CDH12: variants seen among roughly 807,000 people sequenced by gnomAD.
CDH12 encodes the protein cadherin-12.
Under a neutral mutation model 74.1 loss-of-function variants are expected in CDH12, and 41 were observed. The observed-to-expected ratio is 0.55, with a 90% CI of 0.43 to 0.72. CDH12 has a LOEUF of 0.72. Among genes scored for constraint, CDH12 ranks in the 30% least tolerant of loss-of-function variants. CDH12 has a pLI of 0.00. For missense variants in CDH12, 945 were observed against 977.2 expected (o/e 0.97, Z 0.44); for synonymous variants, 399 against 355.0 (o/e 1.12, Z -1.39).
chr5:22,375,956 T>G (rs1038817989), intron 3 of CDH12, among the ~76,000 whole-genome samples: 4 of 152,196 alleles, frequency 2.6e-5, no homozygotes, highest in Admixed American at 1.3e-4. Context: ...ATCCTACTAC[T>G]AGGTTTTTAT....
At chr5:21,833,050 A>T (rs1480954785) in intron 8 of CDH12, among the ~76,000 whole-genome samples, 1 of 85,436 alleles carries the variant, frequency 1.2e-5, no homozygotes, top group African/African-American at 4.5e-5. Context: ...TATAATATAT[A>T]TTATATGTTA....
Position 22,078,514 on chromosome 5 carries a change from C to G in CDH12, c.163G>C (p.Gly55Arg). 3 of 1,613,934 alleles carry G rather than the reference C, an allele frequency of 1.9e-6. No individual in the cohort carries two copies. The highest frequency in any genetic ancestry group is 2.5e-6 in the Non-Finnish European group (3 of 1,179,852). ...QRSHFQRVKRGWVWNQFFVLE... is the reference protein window; with the variant it reads ...QRSHFQRVKRRWVWNQFFVLE... ...ACAAAAAATTGATTCCATACCCAGC[C>G]ACGTTTAACACGTTGGAAATGTGAC... Residue 55 changes from glycine to arginine, a missense_variant, in exon 5 of 15, where the codon GGC (glycine) becomes CGC (arginine). This residue lies in a region of CDH12 where 148 missense variants were observed against 162.8 expected (regional missense o/e 0.91). Transcript: ENST00000382254.
intron 1 of CDH12, among the ~76,000 whole-genome samples, chr5:22,747,721 G>A (rs1745368355): frequency 6.6e-6 from 1 of 151,760 alleles, no homozygotes; most frequent in East Asian, 1.9e-4. Context: ...TTCAATAAAA[G>A]CATTAAAAAT....
At chr5:22,364,255 G>A (rs976332357) in intron 3 of CDH12, among the ~76,000 whole-genome samples, 4 of 152,110 alleles carry the variant, frequency 2.6e-5, no homozygotes, top group African/African-American at 9.7e-5. Context: ...AAATAAAGAG[G>A]GGAAGAAGGG....
intron 1 of CDH12, among the ~76,000 whole-genome samples, chr5:22,839,245 A>C (rs1020501364): frequency 6.6e-6 from 1 of 152,200 alleles, no homozygotes; most frequent in African/African-American, 2.4e-5. Flanking sequence ...AATTTATTTA[A>C]ATGGATACAA....
intron 4 of CDH12, among the ~76,000 whole-genome samples, chr5:22,211,767 A>G (rs1038048319): frequency 2.0e-5 from 3 of 151,158 alleles, no homozygotes; most frequent in African/African-American, 7.3e-5. Flanking sequence ...AATAAAACAT[A>G]AAAAAGATTT....
chr5:22,121,288 C>T (rs1745497941), intron 4 of CDH12, among the ~76,000 whole-genome samples: 1 of 152,114 alleles, frequency 6.6e-6, no homozygotes, highest in African/African-American at 2.4e-5. Flanking sequence ...TATCTCCTTT[C>T]CCTTGACAAA....
intron 1 of CDH12, among the ~76,000 whole-genome samples, chr5:22,670,429 G>A (rs1303711186): frequency 6.6e-6 from 1 of 152,080 alleles, no homozygotes; most frequent in Non-Finnish European, 1.5e-5. Context: ...ACAGAAAGCT[G>A]CCTCTACCAC....
chr5:21,825,060 G>A (rs1285751777), intron 8 of CDH12, among the ~76,000 whole-genome samples: 2 of 151,682 alleles, frequency 1.3e-5, no homozygotes, highest in African/African-American at 4.8e-5. Context: ...AGCTGAGGCA[G>A]GATAATCACT....
intron 6 of CDH12, among the ~76,000 whole-genome samples, chr5:21,896,658 C>A (rs1753136634): frequency 2.9e-5 from 2 of 70,000 alleles, no homozygotes; most frequent in African/African-American, 6.4e-5. Flanking sequence ...ATTTTGAAAT[C>A]AAAGAATCAA....
chr5:22,780,652 G>T (rs115869357), intron 1 of CDH12, among the ~76,000 whole-genome samples: 1 of 151,994 alleles, frequency 6.6e-6, no homozygotes, highest in African/African-American at 2.4e-5. Flanking sequence ...TCCCTCTCAC[G>T]ATATGTGGGG....
At chr5:22,217,376 G>A (rs905082067) in intron 3 of CDH12, among the ~76,000 whole-genome samples, 2 of 151,668 alleles carry the variant, frequency 1.3e-5, no homozygotes, top group Non-Finnish European at 3.0e-5. Context: ...TAAAATTGGA[G>A]AGCATACTTA....
chr5:22,161,085 A>C (rs1748317553), intron 4 of CDH12, among the ~76,000 whole-genome samples: 1 of 152,136 alleles, frequency 6.6e-6, no homozygotes, highest in Admixed American at 6.5e-5. Flanking sequence ...TCATTCCATA[A>C]TTTAAGGGGA....
intron 5 of CDH12, among the ~76,000 whole-genome samples, chr5:22,054,351 A>T (rs912494931): frequency 1.3e-5 from 2 of 152,160 alleles, no homozygotes; most frequent in African/African-American, 4.8e-5. Context: ...ATATATAGAT[A>T]TCTGGTAGAG....
intron 1 of CDH12, among the ~76,000 whole-genome samples, chr5:22,694,655 TAA>T (rs1405314831): frequency 6.6e-6 from 1 of 152,072 alleles, no homozygotes; most frequent in Non-Finnish European, 1.5e-5. Context: ...TGTTAAACTT[TAA>T]GTTATGTTTT....
chr5:22,676,141 A>G (rs766085225), intron 1 of CDH12, among the ~76,000 whole-genome samples: 15 of 151,928 alleles, frequency 9.9e-5, no homozygotes, highest in Non-Finnish European at 1.9e-4. Flanking sequence ...CATCAGTACT[A>G]GTCGTTTTTA....
chr5:22,608,952 T>C (rs1037496060), intron 1 of CDH12, among the ~76,000 whole-genome samples: 1 of 152,128 alleles, frequency 6.6e-6, no homozygotes. Context: ...GAGGACAGAC[T>C]AATACACATA....
At chr5:22,086,760 A>T (rs1455132381) in intron 4 of CDH12, among the ~76,000 whole-genome samples, 1 of 152,206 alleles carries the variant, frequency 6.6e-6, no homozygotes, top group African/African-American at 2.4e-5. Flanking sequence ...TGTTAAAAAA[A>T]AAAGAAACTC....
chr5:22,498,928 T>C (rs1747222077), intron 2 of CDH12, among the ~76,000 whole-genome samples: 1 of 135,240 alleles, frequency 7.4e-6, no homozygotes, highest in Non-Finnish European at 1.6e-5. Flanking sequence ...TTTTGTGACG[T>C]AGTCTTGCCC....
Sources: allele counts gnomAD v4.1 joint callset (sites outside exome capture counted in the v4.1 genomes callset), GRCh38; gene constraint gnomAD v4.1.1; regional missense constraint gnomAD v4.1.1; transcripts MANE v1.5; gene names NCBI Gene and HGNC (gene_info 2026-07-23, HGNC 2026-07-21).